CAPN9: variants seen among roughly 807,000 people sequenced by gnomAD.
CAPN9 encodes the protein calpain 9, also known as calpain-9.
A neutral mutation model predicts 92.8 loss-of-function variants in CAPN9; 81 were observed. The ratio of observed to expected loss-of-function variants is 0.87; its 90% CI spans 0.73 to 1.05. The LOEUF is 1.05. CAPN9 is among the 50% of genes least tolerant of loss of function. The pLI is 0.00. For synonymous variants in CAPN9, 304 were observed against 328.0 expected (o/e 0.93, Z 0.79); for missense variants, 848 against 866.2 (o/e 0.98, Z 0.26).
rs1026507518 is a variant in CAPN9, at chr1:230,785,014, A to G, written c.1482-967A>G. Reference sequence around the variant, plus strand: ...TTCCCTGGATGTAGGACATGGAGTCAAAGGAGATCACTTTGGAGCTTTAAG... The same window carrying G: ...TTCCCTGGATGTAGGACATGGAGTCGAAGGAGATCACTTTGGAGCTTTAAG... On this transcript the variant is annotated intron_variant, in intron 11 of 19. Coordinates refer to ENST00000271971, the MANE Select transcript of CAPN9 (RefSeq NM_006615.3). Among the ~76,000 whole-genome samples, 20 of 152,228 alleles carry G rather than the reference A, an allele frequency of 1.3e-4. No individual in the cohort carries two copies. The South Asian group carries it at 1.4e-3, about 11-fold the overall frequency.
At chr1:230,762,325 T>C (rs1223408568) in intron 3 of CAPN9, among the ~76,000 whole-genome samples, 1 of 152,212 alleles carries the variant, frequency 6.6e-6, no homozygotes, top group Non-Finnish European at 1.5e-5. Context: ...AAAAACAACT[T>C]TCTTGTGAAG....
intron 4 of CAPN9, among the ~76,000 whole-genome samples, chr1:230,766,523 G>A (rs945173617): frequency 6.6e-6 from 1 of 152,076 alleles, no homozygotes; most frequent in African/African-American, 2.4e-5. Context: ...AACCGTCAAG[G>A]TCATCAAAAA....
At chr1:230,758,694 G>A (rs1665415877) in intron 2 of CAPN9, among the ~76,000 whole-genome samples, 1 of 152,178 alleles carries the variant, frequency 6.6e-6, no homozygotes, top group Non-Finnish European at 1.5e-5. Flanking sequence ...CTGCCAAGCT[G>A]AGTGTGATGG....
intron 1 of CAPN9, chr1:230,752,555 T>C (rs899921840): frequency 9.4e-6 from 3 of 319,984 alleles, no homozygotes; most frequent in African/African-American, 6.8e-5. Flanking sequence ...GCAGGCACAG[T>C]TGGTACGGTT....
intron 9 of CAPN9, among the ~76,000 whole-genome samples, chr1:230,779,916 T>C (rs1165580089): frequency 6.6e-6 from 1 of 152,042 alleles, no homozygotes; most frequent in Non-Finnish European, 1.5e-5. Flanking sequence ...CTTAAGAAAC[T>C]GCATAGGAAA....
At chr1:230,769,889 T>A (rs1309195195) in intron 6 of CAPN9, among the ~76,000 whole-genome samples, 5 of 152,234 alleles carry the variant, frequency 3.3e-5, no homozygotes, top group Admixed American at 1.3e-4. Flanking sequence ...TATGATTTTC[T>A]TGATAACATT....
intron 19 of CAPN9, among the ~76,000 whole-genome samples, chr1:230,799,244 T>C (rs1162463737): frequency 1.3e-5 from 2 of 152,234 alleles, no homozygotes; most frequent in African/African-American, 4.8e-5. Flanking sequence ...TGACAGTATG[T>C]GTTTTAGAGG....
In CAPN9 at chr1:230,800,240, AAG is replaced by A. The variant is rs538598691; in HGVS notation, c.2047-1328_2047-1327del. Among the ~76,000 whole-genome samples the A allele has an allele frequency of 7.5e-3, 620 of 82,642 alleles. 31 individuals carry two copies. Among genetic ancestry groups the A allele is most frequent in the African/African-American group, 0.029 (588 of 20,066 alleles). The allele number at this position is 82,642 out of a possible 152,430, so 54.2% of individuals were successfully genotyped here. On this transcript the variant is annotated intron_variant, in intron 19 of 19. Transcript: ENST00000271971. ...AAAAATAAGAAAGAAAGAAGAAAGA[AAG>A]AAAGAAAGAAAGAAAGAAAGAAAGA...
chr1:230,786,753 T>C lies in CAPN9; in HGVS notation c.1518+736T>C, dbSNP rs28359696. Among the ~76,000 whole-genome samples the C allele has an allele frequency of 3.5e-5, 5 of 141,946 alleles. No individual in the cohort carries two copies. In the South Asian group the frequency reaches 1.1e-3, roughly 32 times the overall value. The allele number at this position is 141,946 out of a possible 152,430, so 93.1% of individuals were successfully genotyped here. A position where few individuals can be genotyped will look rare whatever the true frequency, so the allele number is the denominator to read the frequency against. On this transcript the variant is annotated intron_variant, in intron 12 of 19. Transcript: ENST00000271971. Reference sequence around the variant, plus strand: ...AGAAGGCTGCCGCTTCTGAAGTGGGTAGACTTTTAATTGTATTTTAAGAAA... The same window carrying C: ...AGAAGGCTGCCGCTTCTGAAGTGGGCAGACTTTTAATTGTATTTTAAGAAA...
intron 15 of CAPN9, among the ~76,000 whole-genome samples, 176 bp from the exon 16 acceptor site, chr1:230,792,250 G>A (rs1216075138): frequency 6.6e-6 from 1 of 152,138 alleles, no homozygotes; most frequent in Non-Finnish European, 1.5e-5. Flanking sequence ...CACTTCTGCC[G>A]TTTCCCCTCT....
chr1:230,770,398 A>G (rs1442455313), intron 6 of CAPN9, among the ~76,000 whole-genome samples: 1 of 152,166 alleles, frequency 6.6e-6, no homozygotes, highest in Non-Finnish European at 1.5e-5. Context: ...GGGGAGGGCA[A>G]TCTGTTTTAC....
At chr1:230,767,435 C>A in intron 4 of CAPN9, 106 bp from the exon 5 acceptor site, 1 of 932,988 alleles carries the variant, frequency 1.1e-6, no homozygotes, top group Non-Finnish European at 1.6e-6. Flanking sequence ...CCAGGGCAAG[C>A]CCTGGGAGAT....
chr1:230,790,668 C>A (rs12566862), intron 14 of CAPN9, among the ~76,000 whole-genome samples: 3 of 152,130 alleles, frequency 2.0e-5, no homozygotes, highest in Non-Finnish European at 4.4e-5. Flanking sequence ...AGGCCGGGTG[C>A]GGTGGCTCAC....
chr1:230,781,609 A>G (rs577022051), intron 11 of CAPN9, among the ~76,000 whole-genome samples: 1 of 152,284 alleles, frequency 6.6e-6, no homozygotes, highest in East Asian at 1.9e-4. Flanking sequence ...GCACAGGGGG[A>G]AAAATGGTTC....
At position 230,747,427 on chromosome 1, in the gene CAPN9, C is replaced by T. The variant is rs898872596; in HGVS notation, c.-70C>T. 2.3e-5 allele frequency: 31 copies of T among 1,364,540 alleles called. No individual in the cohort carries two copies. In the East Asian group the frequency reaches 3.7e-4, roughly 16 times the overall value. The allele number at this position is 1,364,540 out of a possible 1,614,324, so 84.5% of individuals were successfully genotyped here. A position where few individuals can be genotyped will look rare whatever the true frequency, so the allele number is the denominator to read the frequency against. ...CTGAGCTGTTCCTTCTTGACCGGCA[C>T]ACACAGCTCGCTTCTTCACTTTCTT... On this transcript the variant is annotated 5_prime_UTR_variant, in exon 1 of 20. Coordinates refer to ENST00000271971, the MANE Select transcript of CAPN9 (RefSeq NM_006615.3).
intron 18 of CAPN9, among the ~76,000 whole-genome samples, chr1:230,796,407 G>C (rs1668363227): frequency 6.6e-6 from 1 of 151,026 alleles, no homozygotes; most frequent in Non-Finnish European, 1.5e-5. Flanking sequence ...AAAAGGTGAG[G>C]GCTGTGACCC....
chr1:230,773,159 C>T (rs28359659), intron 7 of CAPN9, among the ~76,000 whole-genome samples: 4 of 152,150 alleles, frequency 2.6e-5, no homozygotes, highest in South Asian at 2.1e-4. Flanking sequence ...CAGACCCCAG[C>T]GTGAGGGCAG....
chr1:230,801,565 C>T lies in CAPN9; in HGVS notation c.2047-5C>T. 5 of 1,613,918 alleles carry T rather than the reference C, an allele frequency of 3.1e-6. No homozygotes were observed. The African/African-American group carries it at 5.3e-5, about 17-fold the overall frequency. On this transcript the variant is annotated splice_polypyrimidine_tract_variant and splice_region_variant and intron_variant, in intron 19 of 19. Transcript: ENST00000271971. ...GACCCCTCATCTCTCTCTCTCTCTT[C>T]CCAGTTCATCCATTTGACAATGAAC... is the stretch of plus-strand genomic sequence containing the variant.
chr1:230,783,762 G>T (rs1220147797), intron 11 of CAPN9, among the ~76,000 whole-genome samples: 1 of 152,216 alleles, frequency 6.6e-6, no homozygotes, highest in Admixed American at 6.5e-5. Context: ...AACTGAAAAT[G>T]TGGAAGTGAC....
Sources: allele counts gnomAD v4.1 joint callset (sites outside exome capture counted in the v4.1 genomes callset), GRCh38; gene constraint gnomAD v4.1.1; transcripts MANE v1.5; gene names NCBI Gene and HGNC (gene_info 2026-07-23, HGNC 2026-07-21).